Variants in STAB2 observed in about 807,000 individuals in gnomAD.
STAB2 encodes the protein stabilin 2.
Under a neutral mutation model 338.1 loss-of-function variants are expected in STAB2, and 288 were observed. The ratio of observed to expected loss-of-function variants is 0.85; its 90% CI spans 0.77 to 0.94. The LOEUF is 0.94. Among genes scored for constraint, STAB2 ranks in the 40% least tolerant of loss-of-function variants. The pLI is 0.00. For missense variants in STAB2, 3,141 were observed against 3,210.1 expected (o/e 0.98, Z 0.52); for synonymous variants, 1,202 against 1,193.3 (o/e 1.01, Z -0.15).
intron 37 of STAB2, among the ~76,000 whole-genome samples, chr12:103,705,962 C>T (rs1397214455): frequency 6.6e-6 from 1 of 152,110 alleles, no homozygotes; most frequent in Non-Finnish European, 1.5e-5. Context: ...ATGAAAAAAA[C>T]TGAGAGTCCG....
At position 103,669,585 on chromosome 12, in the gene STAB2, G is replaced by C. The variant is rs757116961; in HGVS notation, c.2217G>C (p.Gln739His). Residue 739 changes from glutamine to histidine, a missense_variant, in exon 21 of 69, where the codon CAG (glutamine) becomes CAC (histidine). Coordinates refer to ENST00000388887, the MANE Select transcript of STAB2 (RefSeq NM_017564.10). ...CKGFYGPDCN[Q>H]CPGGFSNPCS... ...GCTTCTATGGACCTGACTGCAACCA[G>C]TGTCCAGGAGGCTTCTCAAATCCAT... is the stretch of plus-strand genomic sequence containing the variant. 1.2e-6 allele frequency: 2 copies of C among 1,614,214 alleles called. No homozygotes were observed. The highest frequency in any genetic ancestry group is 2.2e-5 in the South Asian group (2 of 91,078).
Position 103,748,834 on chromosome 12 carries a change from G to A in STAB2, c.6245-129G>A, listed in dbSNP as rs969712166. ...ACAGAGGCCACAGGGCATGGAGAGA[G>A]AAGCACGAACACGCAGGGGCCCATT... On this transcript the variant is annotated intron_variant, in intron 58 of 68. Coordinates refer to ENST00000388887, the MANE Select transcript of STAB2 (RefSeq NM_017564.10). 15 of 934,890 alleles carry A rather than the reference G, an allele frequency of 1.6e-5. No homozygotes were observed. In the African/African-American group the frequency reaches 1.7e-4, roughly 10 times the overall value. The allele number at this position is 934,890 out of a possible 1,614,324, so 57.9% of individuals were successfully genotyped here. A position where few individuals can be genotyped will look rare whatever the true frequency, so the allele number is the denominator to read the frequency against.
chr12:103,646,965 TG>T (rs1337943795), intron 9 of STAB2, among the ~76,000 whole-genome samples: 1 of 152,188 alleles, frequency 6.6e-6, no homozygotes, highest in Non-Finnish European at 1.5e-5. Context: ...AAAGCATTCC[TG>T]GTGGGACAAA....
intron 3 of STAB2, among the ~76,000 whole-genome samples, chr12:103,611,477 T>A (rs1430375570): frequency 1.3e-5 from 2 of 152,194 alleles, no homozygotes; most frequent in African/African-American, 4.8e-5. Flanking sequence ...TTTGTTGGTT[T>A]AAAGTCTGTT....
At chr12:103,682,739 G>A (rs763572325) in intron 25 of STAB2, among the ~76,000 whole-genome samples, 1 of 152,020 alleles carries the variant, frequency 6.6e-6, no homozygotes, top group East Asian at 1.9e-4. Context: ...CACAAGGTCA[G>A]GAGTTTGAGA....
intron 2 of STAB2, among the ~76,000 whole-genome samples, chr12:103,593,160 T>G (rs936243895): frequency 1.3e-5 from 2 of 152,200 alleles, no homozygotes; most frequent in Non-Finnish European, 2.9e-5. Context: ...GATCCTAATT[T>G]CAATTTTTTT....
chr12:103,641,199 T>A (rs1480372111), intron 9 of STAB2, among the ~76,000 whole-genome samples: 1 of 152,236 alleles, frequency 6.6e-6, no homozygotes, highest in African/African-American at 2.4e-5. Flanking sequence ...CTTTTATAAC[T>A]GGGTGGTCAG....
In STAB2 at chr12:103,755,673, G is replaced by A. The variant is rs893935304; in HGVS notation, c.6942G>A (p.Leu2314=). ...ATGGCTTCTCATGCAGTGGGAACCTGCTGCAGGTCCTGATGTCCTTCCCCT... is the reference window on the plus strand; with the variant it reads ...ATGGCTTCTCATGCAGTGGGAACCTACTGCAGGTCCTGATGTCCTTCCCCT... The part of the protein sequence containing the change: ...VGDGFSCSGN[L]LQVLMSFPSL... The change falls in exon 63 of 69, where the codon CTG becomes CTA. Residue 2314 remains leucine (L), a synonymous_variant. Coordinates refer to ENST00000388887, the MANE Select transcript of STAB2 (RefSeq NM_017564.10). The A allele has an allele frequency of 6.2e-7, 1 of 1,614,174 alleles. No individual in the cohort carries two copies. Among genetic ancestry groups the A allele is most frequent in the Non-Finnish European group, 8.5e-7 (1 of 1,180,028 alleles).
At position 103,755,621 on chromosome 12, in the gene STAB2, G is replaced by T; in HGVS notation, c.6890G>T (p.Cys2297Phe). The T allele has an allele frequency of 6.2e-7, 1 of 1,614,144 alleles. No homozygotes were observed. The change falls in exon 63 of 69, where the codon TGC becomes TTC. Residue 2297 changes from cysteine to phenylalanine, a missense_variant. Cys to Phe is a radical substitution (Grantham distance 205). Transcript: ENST00000388887. The stretch of plus-strand genomic sequence containing the variant: ...TGCCTCTGCCCTCCAGATGTGAACT[G>T]CACCTGCAAGGTGGGCTATGTGGGA... ...VFCYRMKDVN[C>F]TCKVGYVGDG...
At chr12:103,699,905 C>A (rs773598618) in intron 34 of STAB2, among the ~76,000 whole-genome samples, 1 of 152,214 alleles carries the variant, frequency 6.6e-6, no homozygotes, top group African/African-American at 2.4e-5. Flanking sequence ...GCCCCCAAGC[C>A]GTGCCTAGGA....
In STAB2 at chr12:103,654,561, C is replaced by T; in HGVS notation, c.1414C>T (p.Gln472Ter). The T allele has an allele frequency of 6.2e-7, 1 of 1,613,596 alleles. No individual in the cohort carries two copies. The highest frequency in any genetic ancestry group is 8.5e-7 in the Non-Finnish European group (1 of 1,179,782). Residue 472 changes from glutamine to a stop codon, truncating the protein, a stop_gained, in exon 13 of 69, where the codon CAA becomes TAA. Coordinates refer to ENST00000388887, the MANE Select transcript of STAB2 (RefSeq NM_017564.10). LOFTEE classifies it high-confidence loss of function. ...GEIFNSDKDN[Q>*]IKLKLHGGKK... ...TCTTTCTTTGGTGTTTTAGGACAAT[C>T]AAATAAAGCTTAAACTCCATGGAGG...
At chr12:103,751,408 T>A (rs189886712) in intron 60 of STAB2, among the ~76,000 whole-genome samples, 1 of 151,980 alleles carries the variant, frequency 6.6e-6, no homozygotes, top group African/African-American at 2.4e-5. Context: ...GAACTAACAA[T>A]GGACACAGAA....
intron 23 of STAB2, 121 bp downstream of exon 23, chr12:103,674,208 C>G (rs555526392): frequency 1.8e-6 from 2 of 1,122,800 alleles, no homozygotes; most frequent in Non-Finnish European, 2.5e-6. Flanking sequence ...TGAACTGAGG[C>G]CTGTTATCTC....
intron 26 of STAB2, among the ~76,000 whole-genome samples, chr12:103,684,615 A>G (rs1877227409): frequency 6.6e-6 from 1 of 152,230 alleles, no homozygotes; most frequent in African/African-American, 2.4e-5. Flanking sequence ...AGGATACCCA[A>G]TTGAATGTGA....
chr12:103,645,087 AC>A (rs1483355202), intron 9 of STAB2, among the ~76,000 whole-genome samples: 1 of 152,226 alleles, frequency 6.6e-6, no homozygotes, highest in African/African-American at 2.4e-5. Flanking sequence ...ACTTTGAGAC[AC>A]CCTATATACT....
intron 25 of STAB2, among the ~76,000 whole-genome samples, chr12:103,677,868 A>C (rs1876532606): frequency 6.6e-6 from 1 of 152,242 alleles, no homozygotes; most frequent in Non-Finnish European, 1.5e-5. Flanking sequence ...ATTTGCATCC[A>C]GTCTGACTCC....
intron 19 of STAB2, 90 bp from the exon 20 acceptor site, chr12:103,668,553 G>A: frequency 2.5e-6 from 3 of 1,183,488 alleles, no homozygotes; most frequent in East Asian, 2.6e-5. Flanking sequence ...TGAAATGGAA[G>A]TACAATGGCA....
At chr12:103,636,498 C>T (rs78712116) in intron 6 of STAB2, among the ~76,000 whole-genome samples, 1,915 of 151,960 alleles carry the variant, frequency 0.013, 39 homozygotes, top group African/African-American at 0.044. Flanking sequence ...GGCTCACCTC[C>T]TATAATGAAA....
At chr12:103,717,659 C>G in intron 43 of STAB2, 111 bp from the exon 44 acceptor site, 1 of 806,398 alleles carries the variant, frequency 1.2e-6, no homozygotes, top group Non-Finnish European at 2.1e-6. Context: ...CAAATAGAGA[C>G]TCTCCTAACA....
Sources: allele counts gnomAD v4.1 joint callset (sites outside exome capture counted in the v4.1 genomes callset), GRCh38; gene constraint gnomAD v4.1.1; transcripts MANE v1.5; gene names NCBI Gene and HGNC (gene_info 2026-07-23, HGNC 2026-07-21).